CAST: variants seen among roughly 807,000 people sequenced by gnomAD.
CAST encodes the protein MIR583 host.
A neutral mutation model predicts 119.6 loss-of-function variants in CAST; 76 were observed. That is an observed-to-expected ratio of 0.64 (90% CI 0.53 to 0.77). The LOEUF is 0.77. Ranked by LOEUF, CAST falls within the 30% of genes least tolerant of loss-of-function variation. The pLI, the probability that CAST is intolerant of heterozygous loss-of-function variation, is 0.00. For missense variants in CAST, 953 were observed against 946.5 expected, an observed-to-expected ratio of 1.01 and a Z score of -0.09; for synonymous variants, 319 against 331.6, an observed-to-expected ratio of 0.96 and a Z score of 0.41.
chr5:96,317,512 A>C, the CAST span, among the ~76,000 whole-genome samples: 1 of 150,204 alleles, frequency 6.7e-6, no homozygotes, highest in African/African-American at 2.4e-5. Context: ...GAATGGTGTC[A>C]TCCTATTTTA....
chr5:95,977,526 A>G, the CAST span, among the ~76,000 whole-genome samples: 2 of 152,256 alleles, frequency 1.3e-5, no homozygotes, highest in Non-Finnish European at 2.9e-5. Flanking sequence ...TACTATGGGA[A>G]AACAGAAGTT....
chr5:96,575,494 C>T (rs1746652927), intron 1 of CAST, among the ~76,000 whole-genome samples: 1 of 151,900 alleles, frequency 6.6e-6, no homozygotes, highest in South Asian at 2.1e-4. Flanking sequence ...GGGGGAAAAG[C>T]GTTTAGTCCT....
At chr5:96,030,542 G>A in the CAST span, among the ~76,000 whole-genome samples, 2 of 152,252 alleles carry the variant, frequency 1.3e-5, no homozygotes, top group East Asian at 3.9e-4. Flanking sequence ...GAGTTAGGCT[G>A]TAAGTATGGA....
intron 1 of CAST, among the ~76,000 whole-genome samples, chr5:96,534,546 G>C (rs796971319): frequency 6.6e-6 from 1 of 151,442 alleles, no homozygotes; most frequent in Non-Finnish European, 1.5e-5. Flanking sequence ...GTGCGTGCCT[G>C]TAATCCCAGC....
chr5:96,673,864 G>C (rs2150244309), intron 1 of CAST, among the ~76,000 whole-genome samples: 1 of 152,264 alleles, frequency 6.6e-6, no homozygotes, highest in South Asian at 2.1e-4. Flanking sequence ...CCTTGACTAG[G>C]ATGTATAGGT....
the CAST span, among the ~76,000 whole-genome samples, chr5:96,126,702 A>T: frequency 1.3e-5 from 2 of 152,122 alleles, no homozygotes; most frequent in Non-Finnish European, 2.9e-5. Flanking sequence ...TTATTTGTTT[A>T]TCTCCATGTA....
the CAST span, among the ~76,000 whole-genome samples, chr5:96,207,198 T>G: frequency 5.5e-4 from 84 of 152,146 alleles, no homozygotes; most frequent in Non-Finnish European, 8.8e-4. Context: ...TAGGAGCTTT[T>G]GGGCAGAGAC....
the CAST span, among the ~76,000 whole-genome samples, chr5:96,468,432 C>A: frequency 1.3e-5 from 2 of 152,008 alleles, no homozygotes; most frequent in African/African-American, 4.8e-5. Flanking sequence ...ATGATATAAC[C>A]TATACACCAT....
chr5:96,064,721 T>A, the CAST span, among the ~76,000 whole-genome samples: 3 of 152,174 alleles, frequency 2.0e-5, no homozygotes, highest in African/African-American at 7.2e-5. Context: ...GAAAGCCACC[T>A]GTTTAACTAT....
chr5:96,313,630 T>C, the CAST span, among the ~76,000 whole-genome samples: 1 of 152,210 alleles, frequency 6.6e-6, no homozygotes, highest in East Asian at 1.9e-4. Flanking sequence ...TGCAGGTTTT[T>C]ATGTGGACAT....
At chr5:96,199,296 C>T in the CAST span, among the ~76,000 whole-genome samples, 1 of 151,832 alleles carries the variant, frequency 6.6e-6, no homozygotes, top group African/African-American at 2.4e-5. Flanking sequence ...GTTCTTGGGC[C>T]AAGAACAAGA....
At chr5:96,527,503 C>T (rs1580811034), upstream of CAST, among the ~76,000 whole-genome samples, 1 of 152,086 alleles carries the variant, frequency 6.6e-6, no homozygotes, top group Non-Finnish European at 1.5e-5. Context: ...CTTCCCTTTG[C>T]TCATGGAGAA....
At chr5:96,573,251 A>T (rs1194024340) in intron 1 of CAST, among the ~76,000 whole-genome samples, 1 of 152,140 alleles carries the variant, frequency 6.6e-6, no homozygotes, top group Non-Finnish European at 1.5e-5. Context: ...GCTTTAAGGC[A>T]TCTTGAGTTA....
chr5:96,056,687 G>A, the CAST span, among the ~76,000 whole-genome samples: 1 of 152,078 alleles, frequency 6.6e-6, no homozygotes, highest in Non-Finnish European at 1.5e-5. Flanking sequence ...GCTGAGATGG[G>A]GAAAGTTTTA....
chr5:96,749,885 G>A (rs547206716), intron 19 of CAST, among the ~76,000 whole-genome samples: 1 of 152,234 alleles, frequency 6.6e-6, no homozygotes, highest in South Asian at 2.1e-4. Context: ...ATGGGACAGT[G>A]GTTCTCAAAC....
chr5:96,619,582 A>G (rs771597457), intron 1 of CAST, among the ~76,000 whole-genome samples: 1 of 152,114 alleles, frequency 6.6e-6, no homozygotes, highest in Admixed American at 6.5e-5. Context: ...GCTGTTCCTC[A>G]CTGTTTGGGT....
chr5:96,620,009 A>T (rs919280835), intron 1 of CAST, among the ~76,000 whole-genome samples: 2 of 152,242 alleles, frequency 1.3e-5, no homozygotes, highest in Non-Finnish European at 2.9e-5. Flanking sequence ...CAGGGCTCTC[A>T]TGAAAATTAC....
the CAST span, among the ~76,000 whole-genome samples, chr5:96,448,756 C>T: frequency 1.3e-5 from 2 of 152,046 alleles, no homozygotes; most frequent in Non-Finnish European, 2.9e-5. Flanking sequence ...GGACCATAAA[C>T]ATCATATCAC....
the CAST span, among the ~76,000 whole-genome samples, chr5:96,469,647 C>G: frequency 6.6e-6 from 1 of 151,690 alleles, no homozygotes; most frequent in African/African-American, 2.4e-5. Context: ...AGAGAACTGT[C>G]AAAATGATGT....
Sources: allele counts gnomAD v4.1 joint callset (sites outside exome capture counted in the v4.1 genomes callset), GRCh38; gene constraint gnomAD v4.1.1; transcripts MANE v1.5; gene names NCBI Gene and HGNC (gene_info 2026-07-23, HGNC 2026-07-21).